NLRC5: variants seen among roughly 807,000 people sequenced by gnomAD.
NLRC5 encodes NLR family CARD domain containing 5.
Under a neutral mutation model 206.9 loss-of-function variants are expected in NLRC5, and 114 were observed. The observed-to-expected ratio is 0.55, with a 90% CI of 0.47 to 0.64. The LOEUF (loss-of-function observed/expected upper bound fraction) is 0.64. Ranked by LOEUF, NLRC5 falls within the 30% of genes least tolerant of loss-of-function variation. The pLI is 0.00. For missense variants in NLRC5, 2,008 were observed against 2,305.5 expected (o/e 0.87, Z 2.64); for synonymous variants, 952 against 962.8 (o/e 0.99, Z 0.21).
chr16:57,049,820 T>A (rs1597358090), intron 23 of NLRC5, among the ~76,000 whole-genome samples: 1 of 152,044 alleles, frequency 6.6e-6, no homozygotes, highest in Admixed American at 6.5e-5. Context: ...GAGTTTCAGG[T>A]CCCCCTCCAT....
At chr16:57,056,745 G>A (rs1449300284) in intron 27 of NLRC5, among the ~76,000 whole-genome samples, 3 of 151,616 alleles carry the variant, frequency 2.0e-5, no homozygotes, top group Admixed American at 1.3e-4. Context: ...TGCAACTTCC[G>A]CCTCCCAGGT....
At chr16:57,013,628 G>A (rs2059726891) in intron 1 of NLRC5, 20 of 1,018,824 alleles carry the variant, frequency 2.0e-5, no homozygotes, top group South Asian at 1.1e-4. Flanking sequence ...CTGGGCCATT[G>A]TTTTTGCCAA....
intron 19 of NLRC5, among the ~76,000 whole-genome samples, chr16:57,042,647 A>C (rs891199979): frequency 1.3e-5 from 2 of 152,176 alleles, no homozygotes; most frequent in African/African-American, 4.8e-5. Flanking sequence ...AAGCCAGAGG[A>C]GCCCAGGGGA....
Position 57,079,162 on chromosome 16 carries a change from G to A in NLRC5, c.5165+29G>A, listed in dbSNP as rs541786345. The A allele has an allele frequency of 4.0e-5, 64 of 1,613,920 alleles. No homozygotes were observed. The Middle Eastern group carries it at 4.9e-4, about 12-fold the overall frequency. ...AGTAGGGGCTGCCCAGCCCAGGCAC[G>A]GGGACAGTCCTGGGCGGGTCTGGGG... On this transcript the variant is annotated intron_variant, in intron 44 of 48. Coordinates refer to ENST00000688547, the MANE Select transcript of NLRC5 (RefSeq NM_001384950.1).
intron 10 of NLRC5, among the ~76,000 whole-genome samples, chr16:57,030,907 G>A (rs1439335536): frequency 6.6e-6 from 1 of 152,114 alleles, no homozygotes; most frequent in Non-Finnish European, 1.5e-5. Context: ...TCAGGAGTTC[G>A]AGACCAACCT....
intron 6 of NLRC5, among the ~76,000 whole-genome samples, chr16:57,027,367 A>G (rs1349890106): frequency 6.6e-6 from 1 of 152,216 alleles, no homozygotes; most frequent in Non-Finnish European, 1.5e-5. Context: ...CGAATCTGTA[A>G]CAATAGCCAA....
At chr16:57,057,896 GTGGTGGTGATGGTGGTGATACTGGTGA>G (rs1475863208) in intron 27 of NLRC5, among the ~76,000 whole-genome samples, 142 bp from the exon 28 acceptor site, 45 of 152,174 alleles carry the variant, frequency 3.0e-4, no homozygotes, top group African/African-American at 1.1e-3. Context: ...GACATTGGTG[GTGGTGGTGATGGTGGTGATACTGGTGA>G]TGGTGGTGAT....
chr16:57,047,930 C>G, intron 23 of NLRC5: 1 of 424,750 alleles, frequency 2.4e-6, no homozygotes. Context: ...CCCCTGGAGC[C>G]TCACCAGGGC....
At position 57,025,371 on chromosome 16, in the gene NLRC5, T is replaced by C; in HGVS notation, c.428T>C (p.Leu143Ser). The change falls in exon 6 of 49, where the codon TTG becomes TCG. Residue 143 changes from leucine to serine, a missense_variant. Physicochemically the swap from Leu to Ser is moderately radical, Grantham distance 145. Transcript: ENST00000688547. ...RKQCKKQQLELAKKYLQLLRT... is the reference protein window; with the variant it reads ...RKQCKKQQLESAKKYLQLLRT... ...GCCATGTCCCTGCCCCTTGCAGAGT[T>C]GGCCAAGAAGTACCTGCAGCTCCTG... 1 of 1,532,310 alleles carries C rather than the reference T, an allele frequency of 6.5e-7. No individual in the cohort carries two copies. 94.9% of individuals were successfully genotyped at this position (1,532,310 alleles called of 1,614,324 possible).
intron 32 of NLRC5, among the ~76,000 whole-genome samples, chr16:57,063,951 G>T (rs1412277987): frequency 6.7e-6 from 1 of 150,112 alleles, no homozygotes; most frequent in Non-Finnish European, 1.5e-5. Flanking sequence ...TGTTAGCCAG[G>T]ATGGTCTCGA....
intron 10 of NLRC5, 71 bp from the exon 11 acceptor site, chr16:57,031,333 G>A: frequency 2.0e-6 from 3 of 1,507,168 alleles, no homozygotes; most frequent in Non-Finnish European, 9.2e-7. Flanking sequence ...GGCAGAAAAG[G>A]GTGTGCCTGT....
intron 27 of NLRC5, 51 bp from the exon 28 acceptor site, chr16:57,058,014 C>A: frequency 6.9e-7 from 1 of 1,453,644 alleles, no homozygotes; most frequent in South Asian, 1.2e-5. Context: ...AGGAGCATCT[C>A]AGGCTGAGGA....
chr16:56,991,436 T>C (rs1249618726), intron 1 of NLRC5, among the ~76,000 whole-genome samples: 1 of 147,534 alleles, frequency 6.8e-6, no homozygotes, highest in Admixed American at 7.0e-5. Context: ...GGCTGGAGTG[T>C]AGTGGCACGA....
intron 1 of NLRC5, among the ~76,000 whole-genome samples, chr16:57,007,223 G>A (rs28439729): frequency 0.054 from 8,285 of 152,198 alleles, 374 homozygotes; most frequent in East Asian, 0.17. Context: ...TGGTCACTAT[G>A]TATGCAAATA....
intron 1 of NLRC5, among the ~76,000 whole-genome samples, chr16:56,991,569 A>G (rs1210752275): frequency 6.7e-6 from 1 of 150,096 alleles, no homozygotes; most frequent in East Asian, 2.0e-4. Flanking sequence ...TTTAGTAGAG[A>G]TGGGGTTTCA....
intron 33 of NLRC5, among the ~76,000 whole-genome samples, chr16:57,065,988 G>A (rs2067037543): frequency 6.6e-6 from 1 of 152,190 alleles, no homozygotes; most frequent in African/African-American, 2.4e-5. Flanking sequence ...TGAGCTTAGA[G>A]CGCAAATGCA....
chr16:57,054,738 C>A lies in NLRC5; in HGVS notation c.3507-13C>A. 2 of 1,613,270 alleles carry A rather than the reference C, an allele frequency of 1.2e-6. No individual in the cohort carries two copies. The highest frequency in any genetic ancestry group is 1.7e-6 in the Non-Finnish European group (2 of 1,179,176). On this transcript the variant is annotated splice_polypyrimidine_tract_variant and intron_variant, in intron 24 of 48. Coordinates refer to ENST00000688547, the MANE Select transcript of NLRC5 (RefSeq NM_001384950.1). ...CCACTCATCTTGCCGGATCTACCCC[C>A]TTTCCTTTTCAGGCTGAGCCAGACG...
At position 57,022,293 on chromosome 16, in the gene NLRC5, A is replaced by G. The variant is rs1567543135; in HGVS notation, c.333A>G (p.Gln111=). Residue 111 remains glutamine (Q), a synonymous_variant, in exon 4 of 49, where the codon CAA becomes CAG. Transcript: ENST00000688547. ...AGCTGGGAGCTGAGGGGAAAAGCCAACCTGAATCTCAGCTCCACCATGGTG... is the reference window on the plus strand; with the variant it reads ...AGCTGGGAGCTGAGGGGAAAAGCCAGCCTGAATCTCAGCTCCACCATGGTG... ...TSQLGAEGKS[Q]PESQLHHGLK... 3 of 1,611,826 alleles carry G rather than the reference A, an allele frequency of 1.9e-6. No individual in the cohort carries two copies. Among genetic ancestry groups the G allele is most frequent in the Non-Finnish European group, 2.5e-6 (3 of 1,178,156 alleles).
Position 57,001,336 on chromosome 16 carries a change from T to C in NLRC5, c.-128+11719T>C, listed in dbSNP as rs563552429. Among the ~76,000 whole-genome samples the C allele has an allele frequency of 1.1e-3, 167 of 152,360 alleles. 1 individual carries two copies. The highest frequency in any genetic ancestry group is 3.9e-3 in the African/African-American group (161 of 41,588). On this transcript the variant is annotated intron_variant, in intron 1 of 48. Coordinates refer to ENST00000688547, the MANE Select transcript of NLRC5 (RefSeq NM_001384950.1). ...CCCACAAACTGCATCCTTTCTGATC[T>C]GCACAGATGAGAAAACTGAGGTCTT...
Sources: allele counts gnomAD v4.1 joint callset (sites outside exome capture counted in the v4.1 genomes callset), GRCh38; gene constraint gnomAD v4.1.1; transcripts MANE v1.5; gene names NCBI Gene and HGNC (gene_info 2026-07-23, HGNC 2026-07-21).